The following SLC35B3 variants were observed in gnomAD, a reference collection of about 807,000 sequenced individuals.
SLC35B3 encodes solute carrier family 35 member B3, also known as adenosine 3'-phospho 5'-phosphosulfate transporter 2.
A neutral mutation model predicts 44.1 loss-of-function variants in SLC35B3; 35 were observed. The ratio of observed to expected loss-of-function variants is 0.79; its 90% CI spans 0.61 to 1.05. The LOEUF is 1.05. Ranked by LOEUF, SLC35B3 falls within the 50% of genes least tolerant of loss-of-function variation. SLC35B3 has a pLI of 0.00. For synonymous variants in SLC35B3, 146 were observed against 167.3 expected (o/e 0.87, Z 0.98); for missense variants, 414 against 476.4 (o/e 0.87, Z 1.22).
intron 10 of SLC35B3, 152 bp downstream of exon 9, chr6:8,414,756 A>T: frequency 9.3e-6 from 4 of 428,768 alleles, no homozygotes; most frequent in Non-Finnish European, 1.7e-5. Context: ...TTTATAAAGC[A>T]TAACAGGAAA....
At chr6:8,417,370 GA>G (rs1240604376) in intron 8 of SLC35B3, 31 bp downstream of exon 7, 20 of 1,315,924 alleles carry the variant, frequency 1.5e-5, no homozygotes, top group South Asian at 6.4e-5. Flanking sequence ...TTTAACAGAA[GA>G]TTTTTTTTTT....
In SLC35B3 at chr6:8,420,953, A is replaced by T. The variant is rs1762838629; in HGVS notation, c.575-125T>A. The T allele has an allele frequency of 1.7e-6, 1 of 591,564 alleles. No homozygotes were observed. The highest frequency in any genetic ancestry group is 2.9e-6 in the Non-Finnish European group (1 of 343,296). The allele number at this position is 591,564 out of a possible 1,614,324, so 36.6% of individuals were successfully genotyped here. ...TCCAATGCCAAAAACGTGAACACTT[A>T]GGTCAAGGCAGAAGACAGTCACAAG... On this transcript the variant is annotated intron_variant, in intron 5 of 10. Transcript: ENST00000644923. This position sits in a 1 kb window ranked among gnomAD's most constrained non-coding sequence, Gnocchi z 4.4.
At chr6:8,418,041 C>T (rs985516407) in intron 7 of SLC35B3, among the ~76,000 whole-genome samples, 8 of 152,006 alleles carry the variant, frequency 5.3e-5, no homozygotes, top group Non-Finnish European at 1.0e-4. Context: ...TGTTGAAGCT[C>T]GGTACGGATT....
chr6:8,423,019 G>C (rs1312954440), intron 4 of SLC35B3, among the ~76,000 whole-genome samples: 1 of 151,666 alleles, frequency 6.6e-6, no homozygotes, highest in East Asian at 1.9e-4. Flanking sequence ...ATAAGGTCTC[G>C]CTCTGTTGCC....
chr6:8,429,531 T>A (rs1763756095), intron 3 of SLC35B3, among the ~76,000 whole-genome samples: 1 of 152,204 alleles, frequency 6.6e-6, no homozygotes, highest in African/African-American at 2.4e-5. Flanking sequence ...TCAAGTAAAC[T>A]GCACTATCAT....
intron 9 of SLC35B3, 152 bp downstream of exon 8, chr6:8,416,732 C>G (rs1479141158): frequency 1.8e-5 from 8 of 432,504 alleles, no homozygotes; most frequent in Non-Finnish European, 3.3e-5. Flanking sequence ...CTTTAGAATT[C>G]TAAAGAAACA....
chr6:8,427,048 A>G (rs566245826), intron 4 of SLC35B3, among the ~76,000 whole-genome samples: 1 of 151,762 alleles, frequency 6.6e-6, no homozygotes, highest in East Asian at 2.0e-4. Flanking sequence ...TATCTGGTGG[A>G]AGAAATTTCT....
In SLC35B3 at chr6:8,412,226, C is replaced by T. The variant is rs1221812243; in HGVS notation, c.*1323G>A. Among the ~76,000 whole-genome samples, 1 of 152,138 alleles carries T rather than the reference C, an allele frequency of 6.6e-6. No homozygotes were observed. The highest frequency in any genetic ancestry group is 1.5e-5 in the Non-Finnish European group (1 of 68,018). The stretch of plus-strand genomic sequence containing the variant: ...CATCTTGGACTTCCAGACATCAGAA[C>T]TGTGGGAAATAAATTTCCATTGTTT... On this transcript the variant is annotated 3_prime_UTR_variant, in exon 11 of 11. Transcript: ENST00000644923.
Position 8,413,718 on chromosome 6 carries a change from G to A in SLC35B3, c.1056-19C>T, listed in dbSNP as rs1561742620. ...TACATACCTAAGAGAAAGAAATAAG[G>A]AAAAAAAATTAAAATTAGCAAAATA... On this transcript the variant is annotated intron_variant, in intron 10 of 10. Transcript: ENST00000644923. 3 of 1,416,546 alleles carry A rather than the reference G, an allele frequency of 2.1e-6. No homozygotes were observed. Among genetic ancestry groups the A allele is most frequent in the Non-Finnish European group, 1.9e-6 (2 of 1,056,768 alleles). The allele number at this position is 1,416,546 out of a possible 1,614,324, so 87.7% of individuals were successfully genotyped here. A position where few individuals can be genotyped will look rare whatever the true frequency, so the allele number is the denominator to read the frequency against.
chr6:8,417,382 T>C lies in SLC35B3; in HGVS notation c.873+20A>G. ...TTATTTAACAGAAGATTTTTTTTTT[T>C]AAATGTGATTAGTGTTTACCTTTGC... On this transcript the variant is annotated intron_variant, in intron 8 of 10. Transcript: ENST00000644923. The C allele has an allele frequency of 6.9e-7, 1 of 1,439,938 alleles. No homozygotes were observed. Among genetic ancestry groups the C allele is most frequent in the Non-Finnish European group, 9.6e-7 (1 of 1,044,828 alleles). 89.2% of individuals were successfully genotyped at this position (1,439,938 alleles called of 1,614,324 possible).
Position 8,412,056 on chromosome 6 carries a change from G to A in SLC35B3, c.*1493C>T, listed in dbSNP as rs1192149958. 6.6e-6 allele frequency among the ~76,000 whole-genome samples: 1 copy of A among 152,102 alleles called. No homozygotes were observed. Among genetic ancestry groups the A allele is most frequent in the Admixed American group, 6.6e-5 (1 of 15,266 alleles). ...TATTAAGTGGTGGGGCCTTTTGGGA[G>A]GTGATAAGGTCATGAGGGCAGAGTC... is the stretch of plus-strand genomic sequence containing the variant. On this transcript the variant is annotated 3_prime_UTR_variant, in exon 11 of 11. Coordinates refer to ENST00000644923, the MANE Select transcript of SLC35B3 (RefSeq NM_001370476.2).
At chr6:8,425,177 T>G (rs1055597485) in intron 4 of SLC35B3, among the ~76,000 whole-genome samples, 1 of 152,138 alleles carries the variant, frequency 6.6e-6, no homozygotes, top group Non-Finnish European at 1.5e-5. Context: ...CTCATCGGGG[T>G]AGCTGATAGG....
At position 8,432,176 on chromosome 6, in the gene SLC35B3, T is replaced by C. The variant is rs1764051879; in HGVS notation, c.4-2019A>G. Among the ~76,000 whole-genome samples, 1 of 152,042 alleles carries C rather than the reference T, an allele frequency of 6.6e-6. No individual in the cohort carries two copies. The highest frequency in any genetic ancestry group is 2.1e-4 in the South Asian group (1 of 4,832). On this transcript the variant is annotated intron_variant, in intron 2 of 10. Coordinates refer to ENST00000644923, the MANE Select transcript of SLC35B3 (RefSeq NM_001370476.2). The surrounding 1 kb of genome is among the most constrained non-coding windows in gnomAD (Gnocchi z 4.8). ...CAAATAAACTGATCCTTCCTCTTGA[T>C]ACCCTCAAACTTCAGCTTGCAATCA...
chr6:8,419,596 G>A lies in SLC35B3; in HGVS notation c.764C>T (p.Ala255Val). Residue 255 changes from alanine (A) to valine (V), a missense_variant, in exon 7 of 11, where the codon GCT (alanine) becomes GTT (valine). Ala to Val is a moderately conservative substitution (Grantham distance 64). Coordinates refer to ENST00000644923, the MANE Select transcript of SLC35B3 (RefSeq NM_001370476.2). The surrounding 1 kb of genome is among the most constrained non-coding windows in gnomAD (Gnocchi z 4.3). ...AGTATTTACCATTTCAGAATTAGAA[G>A]CATTATGAAGTTTCATAGCTTTCTC... 6.5e-7 allele frequency: 1 copy of A among 1,540,872 alleles called. No homozygotes were observed. The highest frequency in any genetic ancestry group is 1.2e-5 in the South Asian group (1 of 81,656).
In SLC35B3 at chr6:8,422,526, A is replaced by G. The variant is rs748167381; in HGVS notation, c.518T>C (p.Val173Ala). 1.9e-6 allele frequency: 3 copies of G among 1,613,572 alleles called. No individual in the cohort carries two copies. Among genetic ancestry groups the G allele is most frequent in the Non-Finnish European group, 8.5e-7 (1 of 1,179,672 alleles). The change falls in exon 5 of 11, where the codon GTC becomes GCC. Residue 173 changes from valine to alanine, a missense_variant. Coordinates refer to ENST00000644923, the MANE Select transcript of SLC35B3 (RefSeq NM_001370476.2). ...AATCAATTTGCAGCACTTGAAGATG[A>G]CTTGGGTAGGGTAATTCAGGTAGCC...
At chr6:8,425,744 T>C (rs965496906) in intron 4 of SLC35B3, among the ~76,000 whole-genome samples, 1 of 152,200 alleles carries the variant, frequency 6.6e-6, no homozygotes, top group Non-Finnish European at 1.5e-5. Flanking sequence ...TATCAAGGTA[T>C]GTCAGTATTA....
intron 10 of SLC35B3, 78 bp downstream of exon 9, chr6:8,414,830 T>C (rs920327190): frequency 1.2e-5 from 9 of 734,152 alleles, no homozygotes; most frequent in African/African-American, 9.1e-5. Context: ...AGTAGAAAAG[T>C]TGAAATTAAG....
At position 8,435,186 on chromosome 6, in the gene SLC35B3, G is replaced by T; in HGVS notation, c.-44+157C>A. ...CCTGGAAACCGCCCGGCCGGTTTCC[G>T]CTCTTTCAAAAAAGGGAATCACCCG... On this transcript the variant is annotated intron_variant, in intron 1 of 10. Coordinates refer to ENST00000644923, the MANE Select transcript of SLC35B3 (RefSeq NM_001370476.2). The surrounding 1 kb of genome is among the most constrained non-coding windows in gnomAD (Gnocchi z 5.5). 2 of 1,288,190 alleles carry T rather than the reference G, an allele frequency of 1.6e-6. No individual in the cohort carries two copies. Among genetic ancestry groups the T allele is most frequent in the Non-Finnish European group, 2.0e-6 (2 of 988,562 alleles). 79.8% of individuals were successfully genotyped at this position (1,288,190 alleles called of 1,614,324 possible).
rs79653180 is a variant in SLC35B3 at position 8,432,591 on chromosome 6, G to C, written c.3+1794C>G. ...GATCTGGCTTTACTACTTATTAGCT[G>C]AGGAGCCTTGGGCAAATCGTTTAAC... On this transcript the variant is annotated intron_variant, in intron 2 of 10. Coordinates refer to ENST00000644923, the MANE Select transcript of SLC35B3 (RefSeq NM_001370476.2). This position sits in a 1 kb window ranked among gnomAD's most constrained non-coding sequence, Gnocchi z 4.8. Among the ~76,000 whole-genome samples the C allele has an allele frequency of 0.031, 4,766 of 152,206 alleles. 268 individuals carry two copies. Among genetic ancestry groups the C allele is most frequent in the African/African-American group, 0.11 (4,539 of 41,520 alleles).
Sources: gnomAD v4.1 joint callset for allele counts (sites outside exome capture counted in the v4.1 genomes callset) on GRCh38, gnomAD v4.1.1 for gene constraint, Gnocchi (gnomAD v3.1) non-coding constraint, MANE v1.5 for transcripts, NCBI Gene and HGNC (gene_info 2026-07-23, HGNC 2026-07-21) for gene names.